PLD5: variants seen among roughly 807,000 people sequenced by gnomAD.
The protein encoded by PLD5 is phospholipase D family member 5, also known as inactive phospholipase D5.
Under a neutral mutation model 61.1 loss-of-function variants are expected in PLD5, and 36 were observed. The observed-to-expected ratio is 0.59, with a 90% CI of 0.45 to 0.78. The LOEUF is 0.78. Ranked by LOEUF, PLD5 falls within the 30% of genes least tolerant of loss-of-function variation. The pLI is 0.00. For missense variants in PLD5, 515 were observed against 644.4 expected, an observed-to-expected ratio of 0.80 and a Z score of 2.17; for synonymous variants, 243 against 242.8, an observed-to-expected ratio of 1.00 and a Z score of -0.01.
chr1:242,422,780 C>T (rs1665215229), intron 1 of PLD5, among the ~76,000 whole-genome samples: 1 of 151,770 alleles, frequency 6.6e-6, no homozygotes, highest in African/African-American at 2.4e-5. Flanking sequence ...CAAAAAGCAG[C>T]AAAAGCTGAA....
At chr1:242,514,047 C>T (rs1385167445) in intron 1 of PLD5, among the ~76,000 whole-genome samples, 1 of 152,258 alleles carries the variant, frequency 6.6e-6, no homozygotes, top group Non-Finnish European at 1.5e-5. Flanking sequence ...TCTAGGCTCT[C>T]ATTCCTCAAC....
intron 1 of PLD5, among the ~76,000 whole-genome samples, chr1:242,435,365 T>A (rs1452266221): frequency 1.3e-5 from 2 of 151,960 alleles, no homozygotes; most frequent in African/African-American, 4.8e-5. Context: ...CTTTTTGTGA[T>A]CTATTAGAAT....
chr1:242,374,868 G>A (rs767294339), intron 1 of PLD5, among the ~76,000 whole-genome samples: 3 of 152,142 alleles, frequency 2.0e-5, no homozygotes, highest in African/African-American at 7.2e-5. Flanking sequence ...ATTCTGAGGG[G>A]CTCCCGTGTT....
rs62646897 is a variant in PLD5 at position 242,394,303 on chromosome 1, A to T, written c.190-46061T>A. On this transcript the variant is annotated intron_variant, in intron 1 of 9. Transcript: ENST00000536534. ...GTGTATATATATGAGTATATATATG[A>T]GTATATATGTGTGTATATATGAGTA... 1.2e-3 allele frequency among the ~76,000 whole-genome samples: 66 copies of T among 53,430 alleles called. 9 individuals are homozygous for T. Among genetic ancestry groups the T allele is most frequent in the South Asian group, 4.1e-3 (6 of 1,448 alleles). 35.1% of individuals were successfully genotyped at this position (53,430 alleles called of 152,430 possible).
intron 2 of PLD5, among the ~76,000 whole-genome samples, chr1:242,299,448 A>G (rs911372723): frequency 6.6e-6 from 1 of 152,228 alleles, no homozygotes; most frequent in Non-Finnish European, 1.5e-5. Flanking sequence ...ACTGAGACAC[A>G]AGGAACTTAA....
intron 1 of PLD5, among the ~76,000 whole-genome samples, chr1:242,372,276 A>C (rs1247417998): frequency 6.6e-6 from 1 of 152,180 alleles, no homozygotes; most frequent in Non-Finnish European, 1.5e-5. Flanking sequence ...CAGCAGGATG[A>C]TCTCTAAAAG....
At chr1:242,146,724 G>A (rs1422229240) in intron 5 of PLD5, among the ~76,000 whole-genome samples, 1 of 152,156 alleles carries the variant, frequency 6.6e-6, no homozygotes, top group Non-Finnish European at 1.5e-5. Context: ...GAAACATGGA[G>A]TAATTTATAA....
chr1:242,266,342 G>C (rs1673670141), intron 3 of PLD5, among the ~76,000 whole-genome samples: 1 of 152,164 alleles, frequency 6.6e-6, no homozygotes, highest in Non-Finnish European at 1.5e-5. Flanking sequence ...GGTTGCACCA[G>C]AGCACTCCAG....
intron 3 of PLD5, among the ~76,000 whole-genome samples, chr1:242,274,918 A>G (rs1160394071): frequency 1.3e-5 from 2 of 152,132 alleles, no homozygotes; most frequent in African/African-American, 4.8e-5. Context: ...AGATTTGGAG[A>G]TTTGGGGAAA....
At chr1:242,254,150 T>C (rs1406412250) in intron 4 of PLD5, among the ~76,000 whole-genome samples, 4 of 151,990 alleles carry the variant, frequency 2.6e-5, no homozygotes, top group Non-Finnish European at 5.9e-5. Flanking sequence ...GAAGCAAAAA[T>C]AAATCCAGTC....
Position 242,197,744 on chromosome 1 carries a change from C to T in PLD5, c.735+22244G>A, listed in dbSNP as rs12068979. On this transcript the variant is annotated intron_variant, in intron 5 of 9. Transcript: ENST00000536534. ...CCGCCTCTCGGGTTCAAGCAATTCTCCCGCCTCAGCCTCCCAAGTATCTGG... is the reference window on the plus strand; with the variant it reads ...CCGCCTCTCGGGTTCAAGCAATTCTTCCGCCTCAGCCTCCCAAGTATCTGG... 6.6e-3 allele frequency among the ~76,000 whole-genome samples: 1,006 copies of T among 151,966 alleles called. 11 individuals carry two copies. Among genetic ancestry groups the T allele is most frequent in the African/African-American group, 0.023 (962 of 41,396 alleles).
chr1:242,317,138 G>A (rs1658063675), intron 2 of PLD5, among the ~76,000 whole-genome samples: 1 of 151,788 alleles, frequency 6.6e-6, no homozygotes, highest in Non-Finnish European at 1.5e-5. Context: ...CTCCCAAGTA[G>A]CTGTAATCCC....
intron 3 of PLD5, among the ~76,000 whole-genome samples, chr1:242,280,628 A>G (rs536296981): frequency 2.0e-5 from 3 of 152,356 alleles, no homozygotes; most frequent in East Asian, 3.9e-4. Flanking sequence ...GCCACTTACA[A>G]TAGGCTCAAA....
At chr1:242,411,567 G>A (rs1417574270) in intron 1 of PLD5, among the ~76,000 whole-genome samples, 1 of 152,188 alleles carries the variant, frequency 6.6e-6, no homozygotes, top group African/African-American at 2.4e-5. Flanking sequence ...GTGCTTTAAT[G>A]AGAGTCTGAA....
chr1:242,519,302 A>G (rs541742795), intron 1 of PLD5, among the ~76,000 whole-genome samples: 112 of 152,258 alleles, frequency 7.4e-4, no homozygotes, highest in Middle Eastern at 3.4e-3. Context: ...CTCCTCATGT[A>G]AACAATTTAT....
intron 5 of PLD5, among the ~76,000 whole-genome samples, chr1:242,164,460 T>C (rs192890): frequency 0.083 from 12,602 of 152,012 alleles, 718 homozygotes; most frequent in African/African-American, 0.15. Context: ...CCAGATTCAC[T>C]GACGGGCCAT....
intron 1 of PLD5, among the ~76,000 whole-genome samples, chr1:242,523,203 G>A (rs1012087404): frequency 1.3e-5 from 2 of 152,192 alleles, no homozygotes; most frequent in African/African-American, 2.4e-5. Context: ...CAGCTCTGCA[G>A]GGAGAAATAG....
intron 1 of PLD5, among the ~76,000 whole-genome samples, chr1:242,446,954 GCTGTGTGCCCTTCAGAAAGCACAGAACT>G (rs1279139590): frequency 6.6e-6 from 1 of 152,126 alleles, no homozygotes; most frequent in Non-Finnish European, 1.5e-5. Context: ...CCCCTCACTA[GCTGTGTGCCCTTCAGAAAGCACAGAACT>G]CTGTGTGCCT....
At chr1:242,234,064 C>T (rs1671480882) in intron 4 of PLD5, among the ~76,000 whole-genome samples, 1 of 152,154 alleles carries the variant, frequency 6.6e-6, no homozygotes, top group African/African-American at 2.4e-5. Flanking sequence ...AAACAAAACT[C>T]CCAAATGTTA....
Sources: allele counts gnomAD v4.1 joint callset (sites outside exome capture counted in the v4.1 genomes callset), GRCh38; gene constraint gnomAD v4.1.1; transcripts MANE v1.5; gene names NCBI Gene and HGNC (gene_info 2026-07-23, HGNC 2026-07-21).